The following PPP2R2B variants were observed in gnomAD, a reference collection of about 807,000 sequenced individuals.
PPP2R2B encodes the protein protein phosphatase 2 regulatory subunit Bbeta.
Under a neutral mutation model 46.0 loss-of-function variants are expected in PPP2R2B, and 5 were observed. The ratio of observed to expected loss-of-function variants is 0.11; its 90% CI spans 0.06 to 0.23. The LOEUF is 0.23. Ranked by LOEUF, PPP2R2B falls within the 10% of genes least tolerant of loss-of-function variation. PPP2R2B has a pLI of 1.00. For synonymous variants in PPP2R2B, 215 were observed against 206.7 expected, an observed-to-expected ratio of 1.04 and a Z score of -0.34; for missense variants, 367 against 575.0, an observed-to-expected ratio of 0.64 and a Z score of 3.70.
chr5:146,677,772 C>G (rs942401859), intron 5 of PPP2R2B, among the ~76,000 whole-genome samples: 1 of 152,106 alleles, frequency 6.6e-6, no homozygotes, highest in Non-Finnish European at 1.5e-5. Flanking sequence ...AAGCGATCCA[C>G]CCACCCCAGC....
intron 2 of PPP2R2B, among the ~76,000 whole-genome samples, chr5:146,762,658 G>A (rs568580251): frequency 8.5e-5 from 13 of 152,290 alleles, no homozygotes; most frequent in African/African-American, 3.1e-4. Flanking sequence ...AGAACTTGAA[G>A]TACAGTCTGT....
chr5:146,971,953 A>G (rs999709274), intron 1 of PPP2R2B, among the ~76,000 whole-genome samples: 8 of 152,204 alleles, frequency 5.3e-5, no homozygotes, highest in African/African-American at 1.9e-4. Context: ...ACTAACATTA[A>G]TATATTACTA....
In PPP2R2B at chr5:146,899,292, C is replaced by T. The variant is rs563919272; in HGVS notation, c.79+156373G>A. 4.4e-4 allele frequency among the ~76,000 whole-genome samples: 65 copies of T among 148,000 alleles called. 1 individual carries two copies. Among genetic ancestry groups the T allele is most frequent in the African/African-American group, 1.6e-3 (64 of 39,282 alleles). ...ATATACACCATGGAATACTATGCAGCCATAAAAAATGATGAGTTCATGTCC... is the reference window on the plus strand; with the variant it reads ...ATATACACCATGGAATACTATGCAGTCATAAAAAATGATGAGTTCATGTCC... On this transcript the variant is annotated intron_variant, in intron 1 of 8. Transcript: ENST00000336640.
At chr5:146,997,478 C>T (rs536474562) in intron 1 of PPP2R2B, among the ~76,000 whole-genome samples, 6 of 152,150 alleles carry the variant, frequency 3.9e-5, no homozygotes, top group Non-Finnish European at 8.8e-5. Context: ...TCAGCTGTGC[C>T]TTACACATCC....
intron 1 of PPP2R2B, among the ~76,000 whole-genome samples, chr5:147,051,586 G>A (rs762223161): frequency 1.2e-4 from 18 of 152,110 alleles, no homozygotes. Context: ...GAAGAAGCAC[G>A]TGGCAAGTCA....
chr5:146,751,980 C>T (rs1436442148), intron 2 of PPP2R2B, among the ~76,000 whole-genome samples: 1 of 152,028 alleles, frequency 6.6e-6, no homozygotes, highest in Non-Finnish European at 1.5e-5. Flanking sequence ...AGGGAGGAGG[C>T]CAGATCATGT....
chr5:146,933,467 G>T (rs1420917791), intron 1 of PPP2R2B, among the ~76,000 whole-genome samples: 1 of 151,864 alleles, frequency 6.6e-6, no homozygotes. Context: ...TAAGTATTTT[G>T]TCTATGACAC....
chr5:146,692,797 G>A (rs1471304065), intron 4 of PPP2R2B, among the ~76,000 whole-genome samples: 2 of 152,064 alleles, frequency 1.3e-5, no homozygotes, highest in African/African-American at 4.8e-5. Context: ...GTCTCCCAAA[G>A]TGCTGGGATT....
chr5:146,810,373 T>C (rs921849841), intron 2 of PPP2R2B, among the ~76,000 whole-genome samples: 2 of 152,060 alleles, frequency 1.3e-5, no homozygotes, highest in Admixed American at 6.5e-5. Flanking sequence ...AACCATCAGA[T>C]TGCGTGAGAC....
intron 1 of PPP2R2B, among the ~76,000 whole-genome samples, chr5:146,994,351 G>A (rs1044924724): frequency 6.6e-5 from 10 of 152,134 alleles, no homozygotes. Context: ...TATTTCGTGA[G>A]TAACAGTTCA....
At chr5:146,906,998 C>T (rs2963075) in intron 1 of PPP2R2B, among the ~76,000 whole-genome samples, 23,823 of 152,114 alleles carry the variant, frequency 0.16, 2,188 homozygotes, top group East Asian at 0.33. Context: ...GAAGGGGGCG[C>T]TGCAGGGACA....
chr5:146,929,541 A>G (rs1763898237), intron 1 of PPP2R2B, among the ~76,000 whole-genome samples: 1 of 152,188 alleles, frequency 6.6e-6, no homozygotes, highest in African/African-American at 2.4e-5. Context: ...AAAAAGAAAA[A>G]AATTGATTGG....
intron 3 of PPP2R2B, 27 bp from the exon 4 acceptor site, chr5:146,698,171 C>A: frequency 1.3e-6 from 2 of 1,541,500 alleles, no homozygotes. Flanking sequence ...AAATACACAA[C>A]AGATTAAATC....
At chr5:147,003,982 C>G (rs1477108882) in intron 1 of PPP2R2B, among the ~76,000 whole-genome samples, 5 of 151,710 alleles carry the variant, frequency 3.3e-5, no homozygotes, top group African/African-American at 1.2e-4. Context: ...GGGCCCTGAA[C>G]AAAATCTGGA....
intron 2 of PPP2R2B, among the ~76,000 whole-genome samples, chr5:147,075,981 T>C (rs981187488): frequency 9.2e-5 from 14 of 152,284 alleles, no homozygotes; most frequent in African/African-American, 3.1e-4. Flanking sequence ...AATTCTTCAA[T>C]AGCTTTATTA....
Position 146,600,288 on chromosome 5 carries a change from T to C in PPP2R2B, c.960+3A>G. On this transcript the variant is annotated splice_donor_region_variant and intron_variant, in intron 8 of 9. Transcript: ENST00000394411. ...ATACCTATGGGTGCCTGGGGTTCTA[T>C]ACCTGGTAAGTCTCGATGGGGCGGT... The C allele has an allele frequency of 6.2e-7, 1 of 1,613,484 alleles. No individual in the cohort carries two copies.
At chr5:146,722,563 T>C (rs1464903573) in intron 2 of PPP2R2B, among the ~76,000 whole-genome samples, 1 of 152,172 alleles carries the variant, frequency 6.6e-6, no homozygotes, top group Admixed American at 6.5e-5. Flanking sequence ...CAAAATATGC[T>C]ACAAAGAATA....
exon 1 of PPP2R2B, chr5:147,055,962 A>G (rs944384797): frequency 2.0e-5 from 27 of 1,382,424 alleles, no homozygotes; most frequent in Non-Finnish European, 2.5e-5. Flanking sequence ...GCTCAAACTC[A>G]GAAGCCCCCA....
At chr5:146,599,067 G>A (rs1295259706) in intron 8 of PPP2R2B, among the ~76,000 whole-genome samples, 4 of 151,892 alleles carry the variant, frequency 2.6e-5, no homozygotes, top group Non-Finnish European at 5.9e-5. Context: ...CTTAAAATAG[G>A]GTTAGTTTAT....
Sources: allele counts gnomAD v4.1 joint callset (sites outside exome capture counted in the v4.1 genomes callset), GRCh38; gene constraint gnomAD v4.1.1; transcripts MANE v1.5; gene names NCBI Gene and HGNC (gene_info 2026-07-23, HGNC 2026-07-21).